The following AGBL4 variants were observed in gnomAD, a reference collection of about 807,000 sequenced individuals.
AGBL4 encodes AGBL carboxypeptidase 4, also known as cytosolic carboxypeptidase 6.
Under a neutral mutation model 66.4 loss-of-function variants are expected in AGBL4, and 58 were observed. The ratio of observed to expected loss-of-function variants is 0.87; its 90% CI spans 0.71 to 1.09. AGBL4 has a LOEUF of 1.09. Among genes scored for constraint, AGBL4 ranks in the 50% least tolerant of loss-of-function variants. The pLI, the probability that AGBL4 is intolerant of heterozygous loss-of-function variation, is 0.00. For synonymous variants in AGBL4, 234 were observed against 222.9 expected (o/e 1.05, Z -0.44); for missense variants, 579 against 631.0 (o/e 0.92, Z 0.88).
intron 1 of AGBL4, among the ~76,000 whole-genome samples, chr1:49,928,946 A>C (rs1653062624): frequency 6.6e-6 from 1 of 152,260 alleles, no homozygotes; most frequent in Non-Finnish European, 1.5e-5. Context: ...TTAGAAAAAG[A>C]AAATATGGTA....
intron 6 of AGBL4, among the ~76,000 whole-genome samples, chr1:48,706,158 A>G (rs1646877708): frequency 6.6e-6 from 1 of 152,202 alleles, no homozygotes; most frequent in Non-Finnish European, 1.5e-5. Context: ...TTGGGTAGTG[A>G]GTTTGCAAGT....
intron 3 of AGBL4, among the ~76,000 whole-genome samples, chr1:49,415,576 A>G (rs945291205): frequency 2.6e-5 from 4 of 152,096 alleles, no homozygotes; most frequent in African/African-American, 7.2e-5. Context: ...CAACAGAAAT[A>G]AAACTAGAAA....
intron 3 of AGBL4, among the ~76,000 whole-genome samples, chr1:49,564,682 T>C (rs542871737): frequency 6.6e-6 from 1 of 152,262 alleles, no homozygotes; most frequent in African/African-American, 2.4e-5. Flanking sequence ...CAGTTTGTTA[T>C]AATTTCTATT....
chr1:49,212,927 GTAA>G (rs1648783157), intron 4 of AGBL4, among the ~76,000 whole-genome samples: 1 of 152,058 alleles, frequency 6.6e-6, no homozygotes, highest in African/African-American at 2.4e-5. Flanking sequence ...TTTAAAACAA[GTAA>G]TAGCAAAAGC....
intron 1 of AGBL4, among the ~76,000 whole-genome samples, chr1:49,905,241 T>A (rs1429123934): frequency 6.6e-6 from 1 of 152,170 alleles, no homozygotes; most frequent in Non-Finnish European, 1.5e-5. Context: ...ATACAATGTA[T>A]CCTGAGTAAG....
Position 49,193,418 on chromosome 1 carries a change from AT to A in AGBL4, c.377+52351del, listed in dbSNP as rs200978388. 1.8e-3 allele frequency among the ~76,000 whole-genome samples: 268 copies of A among 151,134 alleles called. 4 individuals are homozygous for A. Among genetic ancestry groups the A allele is most frequent in the African/African-American group, 5.9e-3 (243 of 41,238 alleles). ...TGTTTCCATATTCATTCATTTCAAA[AT>A]TTTTTTTTAATTTCTATATTAATTT... On this transcript the variant is annotated intron_variant, in intron 4 of 13. Transcript: ENST00000371839.
chr1:48,737,854 C>T (rs1003596969), intron 6 of AGBL4, among the ~76,000 whole-genome samples: 6 of 152,080 alleles, frequency 3.9e-5, no homozygotes, highest in African/African-American at 1.2e-4. Flanking sequence ...TGTGAAGGGA[C>T]GAAATGGCCT....
intron 1 of AGBL4, among the ~76,000 whole-genome samples, chr1:49,915,645 G>A (rs1036612527): frequency 1.3e-5 from 2 of 152,180 alleles, no homozygotes; most frequent in South Asian, 2.1e-4. Flanking sequence ...CTTTGTAGAC[G>A]CCACCTCTTG....
At chr1:48,564,820 T>TA (rs1227630358) in intron 11 of AGBL4, among the ~76,000 whole-genome samples, 2 of 152,222 alleles carry the variant, frequency 1.3e-5, no homozygotes, top group African/African-American at 4.8e-5. Flanking sequence ...ACCCACCATC[T>TA]ACAGGACGGA....
intron 5 of AGBL4, among the ~76,000 whole-genome samples, chr1:48,869,414 A>G (rs1042384561): frequency 2.6e-5 from 4 of 152,204 alleles, no homozygotes; most frequent in African/African-American, 9.6e-5. Flanking sequence ...TTCATACATA[A>G]GGGAAGAATC....
intron 3 of AGBL4, among the ~76,000 whole-genome samples, chr1:49,282,900 C>G (rs905793691): frequency 3.9e-5 from 6 of 152,086 alleles, no homozygotes; most frequent in Admixed American, 6.5e-5. Flanking sequence ...ACTGCTAGCA[C>G]AGCAGTCTGA....
chr1:49,080,996 A>G (rs1644799929), intron 4 of AGBL4, among the ~76,000 whole-genome samples: 1 of 152,164 alleles, frequency 6.6e-6, no homozygotes, highest in South Asian at 2.1e-4. Flanking sequence ...ATTTTAATAC[A>G]GTCATTATAA....
chr1:49,256,199 T>A (rs970802331), intron 3 of AGBL4, among the ~76,000 whole-genome samples: 1 of 152,074 alleles, frequency 6.6e-6, no homozygotes, highest in Non-Finnish European at 1.5e-5. Flanking sequence ...TTAAAAAAGA[T>A]AAATGTTTGA....
At chr1:49,643,502 CAAAAAAAACA>C (rs1224156623) in intron 3 of AGBL4, among the ~76,000 whole-genome samples, 4 of 150,180 alleles carry the variant, frequency 2.7e-5, no homozygotes, top group African/African-American at 9.8e-5. Flanking sequence ...ATTCCAACCA[CAAAAAAAACA>C]GAAAAAAACA....
intron 1 of AGBL4, among the ~76,000 whole-genome samples, chr1:49,930,394 C>T (rs1341359743): frequency 2.0e-5 from 3 of 152,070 alleles, no homozygotes; most frequent in Admixed American, 6.5e-5. Flanking sequence ...ATAAAAATAA[C>T]ACCAACTCTA....
chr1:49,209,913 T>G (rs1648534958), intron 4 of AGBL4, among the ~76,000 whole-genome samples: 1 of 152,120 alleles, frequency 6.6e-6, no homozygotes, highest in South Asian at 2.1e-4. Context: ...ATAAACTTCA[T>G]GAGAGTCATT....
In AGBL4 at chr1:48,762,220, C is replaced by T. The variant is rs536394550; in HGVS notation, c.635-98979G>A. Among the ~76,000 whole-genome samples, 7 of 152,214 alleles carry T rather than the reference C, an allele frequency of 4.6e-5. No individual in the cohort carries two copies. The South Asian group carries it at 1.5e-3, about 32-fold the overall frequency. ...ACCTCGCCCACTGCTTACGTGTGCTCACGACACATACTGAATGTAAAGTGC... is the reference window on the plus strand; with the variant it reads ...ACCTCGCCCACTGCTTACGTGTGCTTACGACACATACTGAATGTAAAGTGC... On this transcript the variant is annotated intron_variant, in intron 6 of 13. Transcript: ENST00000371839.
chr1:49,433,143 T>G (rs995838098), intron 3 of AGBL4, among the ~76,000 whole-genome samples: 69 of 152,222 alleles, frequency 4.5e-4, no homozygotes, highest in African/African-American at 1.2e-3. Flanking sequence ...TCTGTATACT[T>G]TATAATATCC....
At chr1:49,504,622 A>C (rs1648509353) in intron 3 of AGBL4, among the ~76,000 whole-genome samples, 1 of 151,944 alleles carries the variant, frequency 6.6e-6, no homozygotes, top group Non-Finnish European at 1.5e-5. Context: ...ATAGTTTTGA[A>C]CTTAAAGTCT....
Sources: gnomAD v4.1 joint callset for allele counts (sites outside exome capture counted in the v4.1 genomes callset) on GRCh38, gnomAD v4.1.1 for gene constraint, MANE v1.5 for transcripts, NCBI Gene and HGNC (gene_info 2026-07-23, HGNC 2026-07-21) for gene names.